VPS53: variants seen among roughly 807,000 people sequenced by gnomAD.
The protein encoded by VPS53 is vacuolar protein sorting-associated protein 53 homolog.
VPS53 carries 70 observed loss-of-function variants against 107.0 expected under a neutral mutation model. That is an observed-to-expected ratio of 0.65 (90% confidence interval 0.54 to 0.80). The LOEUF (loss-of-function observed/expected upper bound fraction) is 0.80. Among genes scored for constraint, VPS53 ranks in the 30% least tolerant of loss-of-function variants. The pLI, the probability that VPS53 is intolerant of heterozygous loss-of-function variation, is 0.00. For synonymous variants in VPS53, 409 were observed against 393.3 expected, an observed-to-expected ratio of 1.04 and a Z score of -0.47; for missense variants, 917 against 1,049.4, an observed-to-expected ratio of 0.87 and a Z score of 1.74.
At position 623,736 on chromosome 17, in the gene VPS53, G is replaced by A. The variant is rs58265223; in HGVS notation, c.975-62C>T. ...CTGATCATTCATTCAGTAGAGATAAGGTAAATGGCCTTAGCTTATATTCAG... is the reference window on the plus strand; with the variant it reads ...CTGATCATTCATTCAGTAGAGATAAAGTAAATGGCCTTAGCTTATATTCAG... On this transcript the variant is annotated intron_variant, in intron 10 of 21. Transcript: ENST00000437048. 4,315 of 1,515,140 alleles carry A rather than the reference G, an allele frequency of 2.8e-3. 67 individuals are homozygous for A. The African/African-American group carries it at 0.036, about 13-fold the overall frequency. The allele number at this position is 1,515,140 out of a possible 1,614,324, so 93.9% of individuals were successfully genotyped here.
At chr17:699,443 GA>G in intron 2 of VPS53, 63 bp from the exon 3 acceptor site, 2 of 1,370,482 alleles carry the variant, frequency 1.5e-6, no homozygotes, top group Non-Finnish European at 9.8e-7. Context: ...TCTTTCACAG[GA>G]AAATGATGTG....
chr17:651,765 A>C (rs1970958649), intron 7 of VPS53, among the ~76,000 whole-genome samples: 1 of 152,116 alleles, frequency 6.6e-6, no homozygotes, highest in African/African-American at 2.4e-5. Flanking sequence ...AGAATTTGTC[A>C]ATTGTGACGG....
chr17:680,662 A>G (rs538658461), intron 4 of VPS53, among the ~76,000 whole-genome samples: 1 of 152,346 alleles, frequency 6.6e-6, no homozygotes, highest in Admixed American at 6.5e-5. Context: ...ATCGGGAAAC[A>G]AGACAACATT....
At chr17:620,867 C>G (rs535743788) in intron 11 of VPS53, among the ~76,000 whole-genome samples, 62 of 152,184 alleles carry the variant, frequency 4.1e-4, no homozygotes, top group African/African-American at 1.4e-3. Context: ...CTCAGCCTCT[C>G]AAAGTGCTGG....
At chr17:521,883 G>T in intron 19 of VPS53, 145 bp from the exon 20 acceptor site, 2 of 981,386 alleles carry the variant, frequency 2.0e-6, no homozygotes, top group Non-Finnish European at 2.7e-6. Flanking sequence ...AAATATAAAA[G>T]AAAAAAATTA....
At chr17:586,492 A>G (rs1000526089) in intron 12 of VPS53, 128 bp from the exon 13 acceptor site, 1 of 870,000 alleles carries the variant, frequency 1.1e-6, no homozygotes. Context: ...ATGTAACCCA[A>G]TACGATGGTT....
intron 13 of VPS53, among the ~76,000 whole-genome samples, chr17:564,862 G>C (rs1055731200): frequency 1.2e-4 from 18 of 152,300 alleles, no homozygotes; most frequent in African/African-American, 4.3e-4. Flanking sequence ...CATCACCTGT[G>C]AGGATCCAGC....
chr17:553,544 C>A (rs1016194151), intron 15 of VPS53, 82 bp from the exon 16 acceptor site: 1 of 959,526 alleles, frequency 1.0e-6, no homozygotes, highest in Non-Finnish European at 1.6e-6. Flanking sequence ...ACATTTACTG[C>A]GTTTGATGAT....
intron 18 of VPS53, 82 bp downstream of exon 18, chr17:536,946 G>T (rs560028488): frequency 3.3e-6 from 5 of 1,536,994 alleles, no homozygotes; most frequent in African/African-American, 2.7e-5. Context: ...GCTTAATTTG[G>T]CTGTGAACCT....
At chr17:607,629 A>T (rs1360014097) in intron 11 of VPS53, among the ~76,000 whole-genome samples, 1 of 152,214 alleles carries the variant, frequency 6.6e-6, no homozygotes, top group East Asian at 1.9e-4. Flanking sequence ...TCAGTAACTC[A>T]AAGGACATAT....
chr17:599,415 T>A (rs1968209514), intron 12 of VPS53, among the ~76,000 whole-genome samples: 3 of 151,932 alleles, frequency 2.0e-5, no homozygotes, highest in Admixed American at 1.3e-4. Context: ...TAAGAAAACT[T>A]CTTCTGCCTT....
chr17:689,111 T>C (rs1972691393), intron 4 of VPS53, among the ~76,000 whole-genome samples: 1 of 152,184 alleles, frequency 6.6e-6, no homozygotes. Context: ...TTAATACTAA[T>C]ACCAATTACT....
At chr17:701,639 GT>G in intron 2 of VPS53, among the ~76,000 whole-genome samples, 1 of 152,256 alleles carries the variant, frequency 6.6e-6, no homozygotes, top group Admixed American at 6.5e-5. Context: ...GCCTCCCAAA[GT>G]GCTAGGATTA....
chr17:538,005 T>TGCTGAGAGC (rs1333419964), intron 17 of VPS53: 1 of 152,326 alleles, frequency 6.6e-6, no homozygotes, highest in Non-Finnish European at 1.5e-5. Context: ...GAGAGAACAT[T>TGCTGAGAGC]GCTGAGAGCA....
At chr17:679,185 G>A (rs1972290587) in intron 4 of VPS53, among the ~76,000 whole-genome samples, 1 of 152,056 alleles carries the variant, frequency 6.6e-6, no homozygotes, top group Non-Finnish European at 1.5e-5. Context: ...TTTAATCTAG[G>A]ATTGGGGGTG....
intron 13 of VPS53, among the ~76,000 whole-genome samples, chr17:578,778 C>G (rs1426457172): frequency 6.6e-6 from 1 of 151,912 alleles, no homozygotes; most frequent in Admixed American, 6.6e-5. Flanking sequence ...CCCTCAGAAC[C>G]TAATGCGTTC....
At chr17:701,274 C>T (rs1285217979) in intron 2 of VPS53, among the ~76,000 whole-genome samples, 1 of 151,728 alleles carries the variant, frequency 6.6e-6, no homozygotes, top group African/African-American at 2.4e-5. Context: ...TGCAGTAAGT[C>T]ATGTTTGCAC....
In VPS53 at chr17:525,922, G is replaced by A. The variant is rs538740684; in HGVS notation, c.2086-4184C>T. On this transcript the variant is annotated intron_variant, in intron 19 of 21. Transcript: ENST00000437048. ...TGAGGCAGGAGAATTGCTTGAACTCGGGAGGTGAAGGTTGCAGTGAGCCGA... is the reference window on the plus strand; with the variant it reads ...TGAGGCAGGAGAATTGCTTGAACTCAGGAGGTGAAGGTTGCAGTGAGCCGA... Among the ~76,000 whole-genome samples, 191 of 150,178 alleles carry A rather than the reference G, an allele frequency of 1.3e-3. 1 individual carries two copies. The highest frequency in any genetic ancestry group is 3.7e-3 in the African/African-American group (150 of 40,692).
chr17:653,139 C>T (rs1971025584), intron 7 of VPS53, 152 bp downstream of exon 7: 2 of 1,555,786 alleles, frequency 1.3e-6, no homozygotes, highest in Non-Finnish European at 1.7e-6. Context: ...TGTGGAATCC[C>T]CATATACTTT....
Sources: gnomAD v4.1 joint callset for allele counts (sites outside exome capture counted in the v4.1 genomes callset) on GRCh38, gnomAD v4.1.1 for gene constraint, MANE v1.5 for transcripts, NCBI Gene and HGNC (gene_info 2026-07-23, HGNC 2026-07-21) for gene names.